Variants in GPR19 observed in about 807,000 individuals in gnomAD.
GPR19 encodes the protein probable G protein-coupled receptor 19.
In GPR19, 14 loss-of-function variants were observed where a neutral mutation model predicts 28.5. The ratio of observed to expected loss-of-function variants is 0.49; its 90% CI spans 0.32 to 0.77. The LOEUF (loss-of-function observed/expected upper bound fraction) is 0.77. Among genes scored for constraint, GPR19 ranks in the 30% least tolerant of loss-of-function variants. The pLI is 0.03. For missense variants in GPR19, 409 were observed against 504.1 expected, an observed-to-expected ratio of 0.81 and a Z score of 1.81; for synonymous variants, 173 against 184.1, an observed-to-expected ratio of 0.94 and a Z score of 0.49.
the GPR19 span, among the ~76,000 whole-genome samples, chr12:12,707,018 A>G: frequency 6.6e-6 from 1 of 152,202 alleles, no homozygotes; most frequent in Non-Finnish European, 1.5e-5. Context: ...TGGCTTATAA[A>G]GTTTACATGA....
intron 3 of GPR19, among the ~76,000 whole-genome samples, chr12:12,682,625 C>T (rs1015403684): frequency 3.3e-5 from 5 of 152,164 alleles, no homozygotes; most frequent in African/African-American, 1.2e-4. Context: ...TAGATTTCAG[C>T]AGGGATCAAA....
At chr12:12,684,215 G>A (rs537386145) in intron 3 of GPR19, 136 bp downstream of exon 3, 1 of 152,054 alleles carries the variant, frequency 6.6e-6, no homozygotes, top group Admixed American at 6.6e-5. Context: ...CATCTTTTCT[G>A]GACTGGTAAC....
chr12:12,661,065 G>A lies in GPR19; in HGVS notation c.*136C>T. On this transcript the variant is annotated 3_prime_UTR_variant, in exon 4 of 4. Transcript: ENST00000651487. The surrounding 1 kb of genome is among the most constrained non-coding windows in gnomAD (Gnocchi z 4.2). Reference sequence around the variant, plus strand: ...TAAAATAAAACCCACAAAAACTACAGTAAACAAATGAATGCATTTTACAAA... The same window carrying A: ...TAAAATAAAACCCACAAAAACTACAATAAACAAATGAATGCATTTTACAAA... The A allele has an allele frequency of 3.2e-6, 2 of 627,364 alleles. No individual in the cohort carries two copies. Among genetic ancestry groups the A allele is most frequent in the South Asian group, 5.6e-5 (2 of 36,022 alleles). The allele number at this position is 627,364 out of a possible 1,614,324, so 38.9% of individuals were successfully genotyped here.
chr12:12,696,984 A>G (rs1008133699), upstream of GPR19, among the ~76,000 whole-genome samples: 4 of 152,134 alleles, frequency 2.6e-5, no homozygotes, highest in Non-Finnish European at 5.9e-5. Flanking sequence ...AGAACTAAAA[A>G]GTGGCAAGCA....
the GPR19 span, among the ~76,000 whole-genome samples, chr12:12,709,718 C>T: frequency 6.6e-6 from 1 of 152,210 alleles, no homozygotes; most frequent in Non-Finnish European, 1.5e-5. Context: ...GGATTATGGG[C>T]ATGAGCCACC....
chr12:12,697,152 G>GAAAAA (rs1565413527), upstream of GPR19, among the ~76,000 whole-genome samples: 3 of 5,248 alleles, frequency 5.7e-4, no homozygotes, highest in East Asian at 4.9e-3. Flanking sequence ...TTGAAGCGAA[G>GAAAAA]TAAAAAAAAA....
At chr12:12,709,115 A>G in the GPR19 span, among the ~76,000 whole-genome samples, 1 of 152,198 alleles carries the variant, frequency 6.6e-6, no homozygotes, top group African/African-American at 2.4e-5. Flanking sequence ...ACAGAAACTC[A>G]TAACAAGCTA....
chr12:12,708,545 T>C, the GPR19 span, among the ~76,000 whole-genome samples: 3 of 152,318 alleles, frequency 2.0e-5, no homozygotes, highest in East Asian at 3.9e-4. Context: ...ACCTATCCAG[T>C]CACTGCATCT....
chr12:12,677,525 C>G (rs1249395601), intron 3 of GPR19, among the ~76,000 whole-genome samples: 1 of 152,028 alleles, frequency 6.6e-6, no homozygotes, highest in Non-Finnish European at 1.5e-5. Flanking sequence ...GATCCACCCG[C>G]CTTGGCCTCC....
At chr12:12,686,415 G>A (rs1017998456) in intron 2 of GPR19, among the ~76,000 whole-genome samples, 5 of 152,180 alleles carry the variant, frequency 3.3e-5, no homozygotes, top group Non-Finnish European at 7.4e-5. Flanking sequence ...AAAAAAGTTA[G>A]ATATTGAAGA....
intron 2 of GPR19, among the ~76,000 whole-genome samples, chr12:12,687,125 G>T (rs1946109324): frequency 6.6e-6 from 1 of 152,186 alleles, no homozygotes; most frequent in Non-Finnish European, 1.5e-5. Flanking sequence ...CATGAGTAAT[G>T]TGATCTTCTC....
rs1366084007 is a variant in GPR19, at chr12:12,661,730, A to C, written c.719T>G (p.Ile240Ser). The C allele has an allele frequency of 2.5e-6, 4 of 1,614,082 alleles. No individual in the cohort carries two copies. Among genetic ancestry groups the C allele is most frequent in the African/African-American group, 1.3e-5 (1 of 74,950 alleles). ...VGFVIPSVLI[I>S]LFYQKVIKYI... ...TTTTATGACCTTTTGGTAAAATAAA[A>C]TTATGAGGACAGATGGAATCACAAA... Residue 240 changes from isoleucine (I) to serine (S), a missense_variant, in exon 4 of 4, where the codon ATT (isoleucine) becomes AGT (serine). Physicochemically the swap from Ile to Ser is moderately radical, Grantham distance 142. Coordinates refer to ENST00000651487, the MANE Select transcript of GPR19 (RefSeq NM_006143.3). The surrounding 1 kb of genome is among the most constrained non-coding windows in gnomAD (Gnocchi z 4.2).
Position 12,669,811 on chromosome 12 carries a change from C to T in GPR19, c.-22-7341G>A, listed in dbSNP as rs1945832110. Among the ~76,000 whole-genome samples the T allele has an allele frequency of 2.6e-5, 4 of 152,168 alleles. No individual in the cohort carries two copies. In the South Asian group the frequency reaches 8.3e-4, roughly 32 times the overall value. ...CACACATTGCTGAACTTAAAAATGG[C>T]TCAGGAGGCCACACAAGCTCTTCTG... On this transcript the variant is annotated intron_variant, in intron 3 of 3. Coordinates refer to ENST00000651487, the MANE Select transcript of GPR19 (RefSeq NM_006143.3).
chr12:12,675,319 G>A (rs1945915594), intron 3 of GPR19, among the ~76,000 whole-genome samples: 1 of 152,286 alleles, frequency 6.6e-6, no homozygotes, highest in East Asian at 1.9e-4. Context: ...GACCTAGGAA[G>A]GGGAAGAGAG....
chr12:12,677,204 AT>A (rs765786361), intron 3 of GPR19, among the ~76,000 whole-genome samples: 3,507 of 133,582 alleles, frequency 0.026, 69 homozygotes, highest in African/African-American at 0.08. Flanking sequence ...GCAGATGTTA[AT>A]TTTTTTTTTT....
Position 12,662,377 on chromosome 12 carries a change from T to G in GPR19, c.72A>C (p.Gln24His), listed in dbSNP as rs746894665. Residue 24 changes from glutamine to histidine, a missense_variant, in exon 4 of 4, where the codon CAA (glutamine) becomes CAC (histidine). Physicochemically the swap from Gln to His is conservative, Grantham distance 24. Coordinates refer to ENST00000651487, the MANE Select transcript of GPR19 (RefSeq NM_006143.3). Reference sequence around the variant, plus strand: ...TGGCTGTTTCAGTGCAGCTGCGGTTTTGGAGGGGCACCAGAAGTGTAGGAA... The same window carrying G: ...TGGCTGTTTCAGTGCAGCTGCGGTTGTGGAGGGGCACCAGAAGTGTAGGAA... ...LIIPTLLVPL[Q>H]NRSCTETATP... is the part of the protein sequence containing the mutation. 1.9e-6 allele frequency: 3 copies of G among 1,614,212 alleles called. No individual in the cohort carries two copies. The South Asian group carries it at 3.3e-5, about 18-fold the overall frequency.
upstream of GPR19, among the ~76,000 whole-genome samples, chr12:12,697,773 C>A (rs550113792): frequency 1.3e-5 from 2 of 152,284 alleles, no homozygotes; most frequent in South Asian, 4.1e-4. Flanking sequence ...GATTTTCTCA[C>A]GTTCAATATG....
In GPR19 at chr12:12,660,966, C is replaced by T; in HGVS notation, c.*235G>A. On this transcript the variant is annotated 3_prime_UTR_variant, in exon 4 of 4. Coordinates refer to ENST00000651487, the MANE Select transcript of GPR19 (RefSeq NM_006143.3). ...AGCATTTTCTTTTTTATGCATGTAA[C>T]TAATATATTAATAGTAAAAGGACTG... The T allele has an allele frequency of 2.5e-6, 1 of 407,096 alleles. No homozygotes were observed. The highest frequency in any genetic ancestry group is 4.3e-6 in the Non-Finnish European group (1 of 230,928). 25.2% of individuals were successfully genotyped at this position (407,096 alleles called of 1,614,324 possible).
the GPR19 span, among the ~76,000 whole-genome samples, chr12:12,703,769 T>C: frequency 2.8e-4 from 43 of 152,164 alleles, no homozygotes; most frequent in Admixed American, 6.5e-5. Context: ...GAAGGGGCTA[T>C]AGACTGTATA....
Sources: allele counts gnomAD v4.1 joint callset (sites outside exome capture counted in the v4.1 genomes callset), GRCh38; gene constraint gnomAD v4.1.1; non-coding constraint Gnocchi (gnomAD v3.1); transcripts MANE v1.5; gene names NCBI Gene and HGNC (gene_info 2026-07-23, HGNC 2026-07-21).